SCARA5: variants seen among roughly 807,000 people sequenced by gnomAD.
SCARA5 encodes scavenger receptor class A member 5, also known as scavenger receptor class A, member 5 (putative).
In SCARA5, 45 loss-of-function variants were observed where a neutral mutation model predicts 46.3. The observed-to-expected ratio is 0.97, with a 90% CI of 0.76 to 1.24. SCARA5 has a LOEUF of 1.24. Among genes scored for constraint, SCARA5 ranks in the 50% most tolerant of loss-of-function variants. The pLI is 0.00. For missense variants in SCARA5, 680 were observed against 689.0 expected (o/e 0.99, Z 0.15); for synonymous variants, 333 against 306.5 (o/e 1.09, Z -0.90).
intron 7 of SCARA5, among the ~76,000 whole-genome samples, chr8:27,898,640 G>A (rs1396030589): frequency 3.3e-5 from 5 of 152,176 alleles, no homozygotes; most frequent in Non-Finnish European, 5.9e-5. Flanking sequence ...AATAGCTCTG[G>A]AGCATCTTTT....
Sources: gnomAD v4.1 joint callset for allele counts (sites outside exome capture counted in the v4.1 genomes callset) on GRCh38, gnomAD v4.1.1 for gene constraint, MANE v1.5 for transcripts, NCBI Gene and HGNC (gene_info 2026-07-23, HGNC 2026-07-21) for gene names.